GRID2: variants seen among roughly 807,000 people sequenced by gnomAD.
The protein encoded by GRID2 is glutamate receptor ionotropic, delta-2.
In GRID2, 33 loss-of-function variants were observed where a neutral mutation model predicts 114.8. That is an observed-to-expected ratio of 0.29 (90% CI 0.22 to 0.38). The LOEUF is 0.38. Among genes scored for constraint, GRID2 ranks in the 10% least tolerant of loss-of-function variants. GRID2 has a pLI of 1.00. For synonymous variants in GRID2, 505 were observed against 449.9 expected (o/e 1.12, Z -1.55); for missense variants, 1,184 against 1,257.7 (o/e 0.94, Z 0.89).
chr4:92,810,866 A>G (rs910219421), intron 2 of GRID2, among the ~76,000 whole-genome samples: 1 of 152,140 alleles, frequency 6.6e-6, no homozygotes, highest in African/African-American at 2.4e-5. Flanking sequence ...ATCTTGGCTC[A>G]CTGCAACCTC....
chr4:93,037,403 G>A (rs1725029488), intron 2 of GRID2, among the ~76,000 whole-genome samples: 1 of 152,174 alleles, frequency 6.6e-6, no homozygotes, highest in Non-Finnish European at 1.5e-5. Flanking sequence ...TGCTCACTAT[G>A]ATAATAGTTC....
chr4:93,491,692 G>A (rs1006159387), intron 12 of GRID2, among the ~76,000 whole-genome samples: 4 of 151,826 alleles, frequency 2.6e-5, no homozygotes, highest in East Asian at 3.9e-4. Context: ...AGATATGTCA[G>A]GGAATTCCTT....
chr4:92,603,797 T>C (rs774364517), intron 2 of GRID2, among the ~76,000 whole-genome samples: 22 of 151,658 alleles, frequency 1.5e-4, no homozygotes, highest in Non-Finnish European at 2.7e-4. Context: ...CTGACAAAGG[T>C]CTAATGTCCA....
chr4:92,595,633 T>G (rs1728913763), intron 2 of GRID2, among the ~76,000 whole-genome samples: 1 of 152,078 alleles, frequency 6.6e-6, no homozygotes, highest in South Asian at 2.1e-4. Context: ...TAAAATAATT[T>G]CCAGTATATG....
intron 1 of GRID2, among the ~76,000 whole-genome samples, chr4:92,546,842 ATGATTTTCAGAAC>A (rs1726288005): frequency 6.6e-6 from 1 of 152,210 alleles, no homozygotes; most frequent in South Asian, 2.1e-4. Context: ...GACCTTGAGA[ATGATTTTCAGAAC>A]TGAGGCATAA....
intron 14 of GRID2, among the ~76,000 whole-genome samples, chr4:93,704,958 A>C (rs545226539): frequency 1.3e-5 from 2 of 152,036 alleles, no homozygotes; most frequent in Admixed American, 6.6e-5. Flanking sequence ...CTCTCCTTTG[A>C]GTATATACCT....
At chr4:92,424,213 C>A (rs1579335833) in intron 1 of GRID2, among the ~76,000 whole-genome samples, 3 of 152,180 alleles carry the variant, frequency 2.0e-5, no homozygotes, top group Non-Finnish European at 1.5e-5. Flanking sequence ...CCACAAAATT[C>A]TCTCAACTAG....
At chr4:92,543,069 G>T (rs1726062932) in intron 1 of GRID2, among the ~76,000 whole-genome samples, 1 of 152,024 alleles carries the variant, frequency 6.6e-6, no homozygotes, top group African/African-American at 2.4e-5. Context: ...AGTTAAAAAA[G>T]TGCAAGGTAT....
intron 11 of GRID2, among the ~76,000 whole-genome samples, chr4:93,458,808 T>C (rs1165303427): frequency 6.6e-6 from 1 of 152,128 alleles, no homozygotes; most frequent in Non-Finnish European, 1.5e-5. Context: ...GATGTAGATA[T>C]TGATTGAAAT....
chr4:92,420,171 C>T (rs1007587478), intron 1 of GRID2, among the ~76,000 whole-genome samples: 1 of 152,056 alleles, frequency 6.6e-6, no homozygotes, highest in Non-Finnish European at 1.5e-5. Context: ...CAAATTCACT[C>T]TTGTCAATTC....
chr4:92,599,949 T>C (rs1431313536), intron 2 of GRID2, among the ~76,000 whole-genome samples: 4 of 149,680 alleles, frequency 2.7e-5, no homozygotes, highest in Non-Finnish European at 4.4e-5. Flanking sequence ...CGCTTGAACC[T>C]GGGAGGTGGA....
intron 2 of GRID2, among the ~76,000 whole-genome samples, chr4:92,779,450 G>A (rs1738966071): frequency 6.6e-6 from 1 of 151,966 alleles, no homozygotes; most frequent in Non-Finnish European, 1.5e-5. Context: ...GTTAATAACA[G>A]CAATTTAACT....
At chr4:93,783,829 T>G (rs1734530802) in intron 1 of GRID2, among the ~76,000 whole-genome samples, 2 of 151,530 alleles carry the variant, frequency 1.3e-5, no homozygotes, top group Admixed American at 1.3e-4. Context: ...TCCCAGCACT[T>G]TGGGAGGCCG....
chr4:93,492,084 A>C (rs954492039), intron 12 of GRID2, among the ~76,000 whole-genome samples: 4 of 151,872 alleles, frequency 2.6e-5, no homozygotes, highest in African/African-American at 9.7e-5. Context: ...ATACAGAGTG[A>C]AACTTATACC....
chr4:93,505,595 T>G (rs35170114), intron 12 of GRID2, among the ~76,000 whole-genome samples: 26,261 of 148,534 alleles, frequency 0.18, 3,090 homozygotes, highest in Middle Eastern at 0.3. Context: ...AATTTATATA[T>G]TATAATATAT....
chr4:92,444,904 C>G (rs1244032180), intron 1 of GRID2, among the ~76,000 whole-genome samples: 2 of 151,804 alleles, frequency 1.3e-5, no homozygotes, highest in African/African-American at 4.8e-5. Context: ...AAAGTGAAGA[C>G]TTTTTTTTCA....
chr4:92,731,505 C>G (rs868826885), intron 2 of GRID2, among the ~76,000 whole-genome samples: 8 of 151,780 alleles, frequency 5.3e-5, no homozygotes, highest in South Asian at 4.1e-4. Context: ...AAAAGATGAA[C>G]AATACCTTTA....
At chr4:92,406,796 A>G (rs1430602301) in intron 1 of GRID2, among the ~76,000 whole-genome samples, 1 of 151,676 alleles carries the variant, frequency 6.6e-6, no homozygotes, top group African/African-American at 2.4e-5. Context: ...AAGTAAGAAC[A>G]TGTGGTATTT....
intron 8 of GRID2, among the ~76,000 whole-genome samples, chr4:93,365,281 G>A (rs561629553): frequency 6.6e-6 from 1 of 152,236 alleles, no homozygotes; most frequent in Non-Finnish European, 1.5e-5. Context: ...TTTGTCAATA[G>A]TTAAAGAAAG....
Sources: allele counts gnomAD v4.1 joint callset (sites outside exome capture counted in the v4.1 genomes callset), GRCh38; gene constraint gnomAD v4.1.1; transcripts MANE v1.5; gene names NCBI Gene and HGNC (gene_info 2026-07-23, HGNC 2026-07-21).